ZNF138: variants seen among roughly 807,000 people sequenced by gnomAD.
ZNF138 encodes the protein zinc finger protein 138 (clone pHZ-32).
ZNF138 carries 33 observed loss-of-function variants against 33.0 expected under a neutral mutation model. The ratio of observed to expected loss-of-function variants is 1.00; its 90% CI spans 0.76 to 1.34. ZNF138 has a LOEUF of 1.34. ZNF138 is among the 40% of genes most tolerant of loss of function. The probability of loss-of-function intolerance (pLI) is 0.00; values close to 1 mark genes in which losing one functional copy is unlikely to be tolerated. For synonymous variants in ZNF138, 139 were observed against 120.4 expected, an observed-to-expected ratio of 1.15 and a Z score of -1.01; for missense variants, 360 against 370.8, an observed-to-expected ratio of 0.97 and a Z score of 0.24.
chr7:64,816,978 A>C (rs1455081433), intron 3 of ZNF138, among the ~76,000 whole-genome samples: 1 of 152,110 alleles, frequency 6.6e-6, no homozygotes. Context: ...TTATTTTTGG[A>C]CAGATTAAAT....
intron 1 of ZNF138, among the ~76,000 whole-genome samples, chr7:64,805,419 A>AAAAAAAG (rs1787510522): frequency 6.7e-6 from 1 of 148,740 alleles, no homozygotes; most frequent in Non-Finnish European, 1.5e-5. Flanking sequence ...AACAAAAAAA[A>AAAAAAAG]AAACTGAGGC....
At chr7:64,813,802 G>T (rs1788382329) in intron 1 of ZNF138, among the ~76,000 whole-genome samples, 1 of 152,134 alleles carries the variant, frequency 6.6e-6, no homozygotes, top group South Asian at 2.1e-4. Context: ...CAGCAGTGAT[G>T]CCGTGTTTTT....
At chr7:64,809,778 C>G (rs1225751914) in intron 1 of ZNF138, among the ~76,000 whole-genome samples, 2 of 138,660 alleles carry the variant, frequency 1.4e-5, no homozygotes, top group Non-Finnish European at 1.6e-5. Flanking sequence ...ACCTCCCAGA[C>G]GGGGTCGCGG....
chr7:64,824,219 T>A (rs1455382382), intron 3 of ZNF138, among the ~76,000 whole-genome samples: 1 of 152,076 alleles, frequency 6.6e-6, no homozygotes, highest in Non-Finnish European at 1.5e-5. Flanking sequence ...AATAAAAAAA[T>A]TTACACTTAA....
chr7:64,811,535 A>G (rs1788178612), intron 1 of ZNF138, among the ~76,000 whole-genome samples: 1 of 152,058 alleles, frequency 6.6e-6, no homozygotes, highest in Non-Finnish European at 1.5e-5. Flanking sequence ...TATTAGAGAC[A>G]GGGTTTCACC....
At position 64,832,751 on chromosome 7, in the gene ZNF138, C is replaced by T. The variant is rs1790196172; in HGVS notation, c.*549C>T. The T allele has an allele frequency of 4.4e-6, 2 of 455,068 alleles. No homozygotes were observed. Among genetic ancestry groups the T allele is most frequent in the African/African-American group, 2.0e-5 (1 of 49,758 alleles). 28.2% of individuals were successfully genotyped at this position (455,068 alleles called of 1,614,324 possible). ...TCATTCATACTGGAGAGAAACCTTA[C>T]AAATGTGAGGAATGTGGCAAAGGTT... On this transcript the variant is annotated 3_prime_UTR_variant, in exon 4 of 4. Transcript: ENST00000307355.
rs972356409 is a variant in ZNF138 at position 64,814,212 on chromosome 7, T to A, written c.4-706T>A. ...ATATCTTCAGAAAAAATAATCTGCA[T>A]TAACCAGATCTCGAGTTTATTGTAC... is the stretch of plus-strand genomic sequence containing the variant. On this transcript the variant is annotated intron_variant, in intron 1 of 3. Coordinates refer to ENST00000307355, the MANE Select transcript of ZNF138 (RefSeq NM_001271639.2). The A allele has an allele frequency of 4.5e-6, 4 of 896,530 alleles. No homozygotes were observed. In the African/African-American group the frequency reaches 5.5e-5, roughly 12 times the overall value. The allele number at this position is 896,530 out of a possible 1,614,324, so 55.5% of individuals were successfully genotyped here.
chr7:64,798,445 AAAG>A (rs1332752594), intron 1 of ZNF138, among the ~76,000 whole-genome samples: 1 of 152,224 alleles, frequency 6.6e-6, no homozygotes, highest in Non-Finnish European at 1.5e-5. Flanking sequence ...TAAATACAAA[AAAG>A]AAAATCTTAT....
At chr7:64,838,408 G>A (rs937378896), downstream of ZNF138, among the ~76,000 whole-genome samples, 14 of 4,210 alleles carry the variant, frequency 3.3e-3, no homozygotes, top group Non-Finnish European at 0.17. Flanking sequence ...CTAGGGCACC[G>A]GCTGGCCGTG....
At chr7:64,828,839 T>G (rs1193465487) in intron 3 of ZNF138, among the ~76,000 whole-genome samples, 1 of 152,158 alleles carries the variant, frequency 6.6e-6, no homozygotes, top group East Asian at 1.9e-4. Flanking sequence ...TTTATATACC[T>G]TTGGTGTTGC....
chr7:64,818,183 A>G (rs1483013941), intron 3 of ZNF138, among the ~76,000 whole-genome samples: 3 of 151,504 alleles, frequency 2.0e-5, no homozygotes, highest in Non-Finnish European at 4.4e-5. Flanking sequence ...ATAGGGTTTC[A>G]CCATGCTGGC....
chr7:64,852,323 C>A, the ZNF138 span: 3 of 1,035,824 alleles, frequency 2.9e-6, no homozygotes, highest in Non-Finnish European at 4.4e-6. Context: ...TGCTTATAGT[C>A]TTTAATTGAA....
the ZNF138 span, among the ~76,000 whole-genome samples, chr7:64,850,718 A>G: frequency 1.3e-5 from 2 of 152,184 alleles, no homozygotes; most frequent in African/African-American, 4.8e-5. Flanking sequence ...TTTACTGCCT[A>G]AATCATAGGG....
At chr7:64,853,827 A>G in the ZNF138 span, among the ~76,000 whole-genome samples, 2 of 151,956 alleles carry the variant, frequency 1.3e-5, no homozygotes, top group Non-Finnish European at 2.9e-5. Flanking sequence ...CTCAGTTTGC[A>G]GAGAAAGAAA....
intron 3 of ZNF138, among the ~76,000 whole-genome samples, chr7:64,829,435 A>T (rs1036776166): frequency 1.3e-5 from 2 of 150,374 alleles, no homozygotes; most frequent in Non-Finnish European, 3.0e-5. Context: ...GAAATTTGTC[A>T]TAGGTTCCCA....
chr7:64,858,267 A>G, the ZNF138 span, among the ~76,000 whole-genome samples: 61 of 152,308 alleles, frequency 4.0e-4, 1 homozygote, highest in Admixed American at 6.5e-4. Context: ...CTCTACTTAC[A>G]TTGACTAATA....
chr7:64,840,905 T>C, the ZNF138 span, among the ~76,000 whole-genome samples: 28 of 152,260 alleles, frequency 1.8e-4, no homozygotes, highest in South Asian at 5.6e-3. Context: ...TTCAGAAGAA[T>C]AGAGCAATAT....
At chr7:64,834,298 TA>T (rs551299032), downstream of ZNF138, among the ~76,000 whole-genome samples, 1 of 151,620 alleles carries the variant, frequency 6.6e-6, no homozygotes, top group African/African-American at 2.4e-5. Context: ...GCAGTAAATA[TA>T]AAAAAAATCA....
intron 1 of ZNF138, among the ~76,000 whole-genome samples, chr7:64,807,029 C>G (rs1043780276): frequency 6.6e-6 from 1 of 152,226 alleles, no homozygotes; most frequent in Non-Finnish European, 1.5e-5. Flanking sequence ...GGTGGAAAAC[C>G]ACTTAAAGGT....
Sources: allele counts gnomAD v4.1 joint callset (sites outside exome capture counted in the v4.1 genomes callset), GRCh38; gene constraint gnomAD v4.1.1; transcripts MANE v1.5; gene names NCBI Gene and HGNC (gene_info 2026-07-23, HGNC 2026-07-21).